The following CAST variants were observed in gnomAD, a reference collection of about 807,000 sequenced individuals.
The protein encoded by CAST is MIR583 host.
A neutral mutation model predicts 119.6 loss-of-function variants in CAST; 76 were observed. The observed-to-expected ratio is 0.64, with a 90% confidence interval of 0.53 to 0.77. The LOEUF (loss-of-function observed/expected upper bound fraction) is 0.77, where lower values mean the gene tolerates loss of function less well. CAST is among the 30% of genes least tolerant of loss of function. The probability of loss-of-function intolerance (pLI) is 0.00; values close to 1 mark genes in which losing one functional copy is unlikely to be tolerated. For synonymous variants in CAST, 319 were observed against 331.6 expected, an observed-to-expected ratio of 0.96 and a Z score of 0.41; for missense variants, 953 against 946.5, an observed-to-expected ratio of 1.01 and a Z score of -0.09.
chr5:96,622,628 T>C (rs1747636629), intron 1 of CAST, among the ~76,000 whole-genome samples: 1 of 152,118 alleles, frequency 6.6e-6, no homozygotes, highest in Non-Finnish European at 1.5e-5. Flanking sequence ...AATAAAATAA[T>C]GAAGAGAGTT....
chr5:96,459,926 C>T, the CAST span, among the ~76,000 whole-genome samples: 12 of 152,124 alleles, frequency 7.9e-5, no homozygotes, highest in African/African-American at 2.9e-4. Flanking sequence ...GAATAAGGCT[C>T]CATCTTCCCT....
At chr5:95,977,983 T>C in the CAST span, among the ~76,000 whole-genome samples, 1 of 151,462 alleles carries the variant, frequency 6.6e-6, no homozygotes, top group Non-Finnish European at 1.5e-5. Flanking sequence ...ATCTTGGTTT[T>C]TTTTTTTATG....
chr5:96,190,732 T>A, the CAST span, among the ~76,000 whole-genome samples: 1 of 152,224 alleles, frequency 6.6e-6, no homozygotes, highest in African/African-American at 2.4e-5. Flanking sequence ...TAATTTTTAA[T>A]TTCAACCTTT....
chr5:96,306,672 G>T, the CAST span, among the ~76,000 whole-genome samples: 1 of 152,138 alleles, frequency 6.6e-6, no homozygotes, highest in African/African-American at 2.4e-5. Flanking sequence ...TGGTTTCAAA[G>T]AACTTATTTA....
At chr5:96,705,347 A>G (rs1424479345) in intron 3 of CAST, among the ~76,000 whole-genome samples, 1 of 151,962 alleles carries the variant, frequency 6.6e-6, no homozygotes, top group Non-Finnish European at 1.5e-5. Flanking sequence ...AAAAAAAAGA[A>G]AAAAAAAGAA....
the CAST span, among the ~76,000 whole-genome samples, chr5:96,351,958 A>T: frequency 6.6e-6 from 1 of 152,210 alleles, no homozygotes; most frequent in African/African-American, 2.4e-5. Flanking sequence ...AGACCAAAAT[A>T]ACTGTTGGGT....
chr5:96,152,475 G>A, the CAST span, among the ~76,000 whole-genome samples: 1 of 152,188 alleles, frequency 6.6e-6, no homozygotes, highest in Non-Finnish European at 1.5e-5. Context: ...AAGTTTGTGA[G>A]GGGTCCTAGG....
intron 1 of CAST, chr5:96,662,874 G>A (rs1192239336): frequency 1.8e-6 from 1 of 567,698 alleles, no homozygotes; most frequent in South Asian, 2.2e-5. Context: ...CGCTAAGGCC[G>A]GGCCGCAGGG....
chr5:96,274,322 T>A, the CAST span, among the ~76,000 whole-genome samples: 19 of 151,894 alleles, frequency 1.3e-4, no homozygotes, highest in Non-Finnish European at 2.4e-4. Flanking sequence ...CAGGATGGTC[T>A]CAATCTCCTG....
At chr5:96,123,600 T>C in the CAST span, among the ~76,000 whole-genome samples, 1 of 152,166 alleles carries the variant, frequency 6.6e-6, no homozygotes, top group African/African-American at 2.4e-5. Context: ...TTGAGGATTG[T>C]TTGCTTGATA....
chr5:96,772,274 G>A (rs1772695462), intron 31 of CAST: 1 of 153,642 alleles, frequency 6.5e-6, no homozygotes, highest in African/African-American at 2.4e-5. Flanking sequence ...GGATTTCTGA[G>A]ATCTTCAGAA....
At chr5:96,300,909 G>A in the CAST span, among the ~76,000 whole-genome samples, 4 of 134,160 alleles carry the variant, frequency 3.0e-5, no homozygotes, top group Admixed American at 8.3e-5. Context: ...GAAAGTTCAC[G>A]TTAATATAGA....
At chr5:96,183,160 A>AAATAATAATAATAAT in the CAST span, among the ~76,000 whole-genome samples, 66 of 143,270 alleles carry the variant, frequency 4.6e-4, no homozygotes, top group South Asian at 1.1e-3. Flanking sequence ...AAAATAAATA[A>AAATAATAATAATAAT]AATAATAATA....
intron 1 of CAST, among the ~76,000 whole-genome samples, chr5:96,561,202 T>TGG: frequency 2.2e-5 from 1 of 45,910 alleles, no homozygotes; most frequent in Non-Finnish European, 4.6e-5. Context: ...GGGCCTGTTG[T>TGG]GGGGTGGGGG....
chr5:96,419,946 T>C, the CAST span, among the ~76,000 whole-genome samples: 1 of 152,066 alleles, frequency 6.6e-6, no homozygotes, highest in Non-Finnish European at 1.5e-5. Context: ...GTACAAGTTA[T>C]CACCCACACT....
At chr5:96,561,796 G>GTTTTTTTTTT (rs11375615) in intron 1 of CAST, among the ~76,000 whole-genome samples, 16,518 of 95,494 alleles carry the variant, frequency 0.17, 3,215 homozygotes, top group East Asian at 0.47. Flanking sequence ...GTTTTTTTTT[G>GTTTTTTTTTT]TTTTTTTTTT....
the CAST span, among the ~76,000 whole-genome samples, chr5:96,478,884 A>G: frequency 1.1e-4 from 16 of 152,152 alleles, no homozygotes; most frequent in Admixed American, 6.5e-4. Flanking sequence ...TAGTCTCTTC[A>G]CTATTACATA....
At chr5:96,394,584 CT>C in the CAST span, among the ~76,000 whole-genome samples, 1 of 152,016 alleles carries the variant, frequency 6.6e-6, no homozygotes, top group African/African-American at 2.4e-5. Context: ...ATAAAGATAA[CT>C]TTTTTTTCCA....
chr5:96,251,826 C>T, the CAST span, among the ~76,000 whole-genome samples: 2 of 152,126 alleles, frequency 1.3e-5, no homozygotes, highest in African/African-American at 4.8e-5. Context: ...GTGGTTGATT[C>T]TCAGGGCTCA....
Sources: allele counts gnomAD v4.1 joint callset (sites outside exome capture counted in the v4.1 genomes callset), GRCh38; gene constraint gnomAD v4.1.1; transcripts MANE v1.5; gene names NCBI Gene and HGNC (gene_info 2026-07-23, HGNC 2026-07-21).